The following SNX18 variants were observed in gnomAD, a reference collection of about 807,000 sequenced individuals.
The protein encoded by SNX18 is sorting nexin 18.
Under a neutral mutation model 48.7 loss-of-function variants are expected in SNX18, and 35 were observed. The ratio of observed to expected loss-of-function variants is 0.72; its 90% confidence interval spans 0.55 to 0.95. SNX18 has a LOEUF of 0.95. Among genes scored for constraint, SNX18 ranks in the 40% least tolerant of loss-of-function variants. The pLI, the probability that SNX18 is intolerant of heterozygous loss-of-function variation, is 0.00. For missense variants in SNX18, 824 were observed against 871.0 expected (o/e 0.95, Z 0.68); for synonymous variants, 492 against 384.7 (o/e 1.28, Z -3.26).
chr5:54,588,329 T>A, the SNX18 span, among the ~76,000 whole-genome samples: 1 of 44,588 alleles, frequency 2.2e-5, no homozygotes, highest in Non-Finnish European at 4.4e-5. Context: ...TTTTTTTTTT[T>A]TTTTTTTTTT....
chr5:54,537,729 T>G (rs1762383167), intron 1 of SNX18, among the ~76,000 whole-genome samples: 1 of 152,200 alleles, frequency 6.6e-6, no homozygotes, highest in Non-Finnish European at 1.5e-5. Context: ...AAAGCAGAGC[T>G]TTCAATGCTA....
intron 1 of SNX18, among the ~76,000 whole-genome samples, chr5:54,526,028 T>A (rs866506825): frequency 1.3e-5 from 2 of 152,106 alleles, no homozygotes; most frequent in East Asian, 1.9e-4. Context: ...GGTTCCCGGG[T>A]GTTCTGAAGC....
chr5:54,567,066 C>T, the SNX18 span, among the ~76,000 whole-genome samples: 1 of 152,104 alleles, frequency 6.6e-6, no homozygotes, highest in Non-Finnish European at 1.5e-5. Flanking sequence ...TGAGAATGTA[C>T]CCTTCCCCAC....
the SNX18 span, among the ~76,000 whole-genome samples, chr5:54,591,484 C>A: frequency 7.2e-5 from 11 of 152,350 alleles, no homozygotes; most frequent in African/African-American, 2.6e-4. Flanking sequence ...AGCCACCATG[C>A]TCAGCCTGTC....
At chr5:54,551,563 C>T (rs1055979606), downstream of SNX18, among the ~76,000 whole-genome samples, 2 of 152,178 alleles carry the variant, frequency 1.3e-5, no homozygotes, top group African/African-American at 2.4e-5. Flanking sequence ...ACTGCCGTTA[C>T]GTTCATTCTT....
chr5:54,555,094 C>T, the SNX18 span, among the ~76,000 whole-genome samples: 7 of 152,144 alleles, frequency 4.6e-5, no homozygotes, highest in South Asian at 2.1e-4. Context: ...CTGTTTCCTC[C>T]GCTGGTTCAG....
chr5:54,593,436 T>C, the SNX18 span, among the ~76,000 whole-genome samples: 1 of 152,186 alleles, frequency 6.6e-6, no homozygotes, highest in South Asian at 2.1e-4. Context: ...GATTGGAAGA[T>C]TGAAGATTGA....
At chr5:54,579,000 G>C in the SNX18 span, among the ~76,000 whole-genome samples, 1 of 152,164 alleles carries the variant, frequency 6.6e-6, no homozygotes, top group African/African-American at 2.4e-5. Context: ...ATTAGTCAAA[G>C]TTTGTTCATC....
At chr5:54,597,075 G>A in the SNX18 span, among the ~76,000 whole-genome samples, 1 of 152,102 alleles carries the variant, frequency 6.6e-6, no homozygotes, top group Non-Finnish European at 1.5e-5. Context: ...CCAAGCAAAT[G>A]GGAAACAGCA....
chr5:54,563,251 T>G, the SNX18 span, among the ~76,000 whole-genome samples: 1 of 152,208 alleles, frequency 6.6e-6, no homozygotes, highest in South Asian at 2.1e-4. Context: ...TGTACAGTAA[T>G]GTCCTAGGTC....
chr5:54,519,046 G>A lies in SNX18; in HGVS notation c.1094G>A (p.Ser365Asn). ...ATCTGGTGGATGAACCACATGGCCA[G>A]CCACCCAGTGCTGGCGCAGTGCGAC... The part of the protein sequence containing the change: ...GLIWWMNHMA[S>N]HPVLAQCDVF... The change falls in exon 1 of 2, where the codon AGC becomes AAC. Residue 365 changes from serine to asparagine, a missense_variant. Physicochemically the swap from Ser to Asn is conservative, Grantham distance 46 (BLOSUM62 1). Coordinates refer to ENST00000381410, the MANE Select transcript of SNX18 (RefSeq NM_001102575.2). 1 of 1,613,538 alleles carries A rather than the reference G, an allele frequency of 6.2e-7. No individual in the cohort carries two copies. Among genetic ancestry groups the A allele is most frequent in the Non-Finnish European group, 8.5e-7 (1 of 1,179,738 alleles).
At chr5:54,586,766 T>C in the SNX18 span, among the ~76,000 whole-genome samples, 1 of 152,074 alleles carries the variant, frequency 6.6e-6, no homozygotes, top group Non-Finnish European at 1.5e-5. Context: ...AGACCATACA[T>C]AGTAGGATCA....
the SNX18 span, among the ~76,000 whole-genome samples, chr5:54,574,507 G>A: frequency 4.1e-4 from 62 of 152,324 alleles, no homozygotes; most frequent in South Asian, 0.012. Context: ...GCTAGAAAAT[G>A]TAACCTTTAC....
chr5:54,552,841 GA>G, the SNX18 span, among the ~76,000 whole-genome samples: 37 of 151,872 alleles, frequency 2.4e-4, no homozygotes, highest in Admixed American at 2.1e-3. Context: ...GTGCTATGGG[GA>G]AAAAACTAAG....
Position 54,518,890 on chromosome 5 carries a change from A to G in SNX18, c.938A>G (p.Tyr313Cys). The change falls in exon 1 of 2, where the codon TAC (tyrosine) becomes TGC (cysteine). Residue 313 changes from tyrosine (Y) to cysteine (C), a missense_variant. This residue lies in a region of SNX18 where 443 missense variants were observed against 503.6 expected (regional missense o/e 0.88). Coordinates refer to ENST00000381410, the MANE Select transcript of SNX18 (RefSeq NM_001102575.2). Reference protein sequence around the residue: ...THTQVPVHRRYKHFDWLYARL... With the variant: ...THTQVPVHRRCKHFDWLYARL... ...ACGCAGGTGCCGGTGCATCGGCGCT[A>G]CAAGCACTTCGACTGGCTGTACGCG... The G allele has an allele frequency of 1.2e-6, 2 of 1,613,936 alleles. No individual in the cohort carries two copies. The highest frequency in any genetic ancestry group is 2.2e-5 in the East Asian group (1 of 44,848).
In SNX18 at chr5:54,543,663, C is replaced by T. The variant is rs1762514001; in HGVS notation, c.*231C>T. 2.1e-6 allele frequency: 1 copy of T among 485,900 alleles called. No individual in the cohort carries two copies. The highest frequency in any genetic ancestry group is 2.9e-5 in the South Asian group (1 of 34,718). The allele number at this position is 485,900 out of a possible 1,614,324, so 30.1% of individuals were successfully genotyped here. Reference sequence around the variant, plus strand: ...CTAAATTATACTATGTATGCCTACACTACCATTGTAACTTTTGGAATAATG... The same window carrying T: ...CTAAATTATACTATGTATGCCTACATTACCATTGTAACTTTTGGAATAATG... On this transcript the variant is annotated 3_prime_UTR_variant, in exon 2 of 2. Coordinates refer to ENST00000381410, the MANE Select transcript of SNX18 (RefSeq NM_001102575.2).
the SNX18 span, among the ~76,000 whole-genome samples, chr5:54,565,564 C>T: frequency 5.3e-5 from 8 of 151,730 alleles, no homozygotes; most frequent in Admixed American, 1.3e-4. Flanking sequence ...CAGAGTGAGA[C>T]CTTGTCTTAA....
the SNX18 span, among the ~76,000 whole-genome samples, chr5:54,552,596 T>G: frequency 6.6e-6 from 1 of 152,222 alleles, no homozygotes; most frequent in African/African-American, 2.4e-5. Context: ...TGGAGTCATT[T>G]TGCTTGAAAA....
At chr5:54,529,618 T>C (rs1762215825) in intron 1 of SNX18, among the ~76,000 whole-genome samples, 1 of 151,826 alleles carries the variant, frequency 6.6e-6, no homozygotes, top group African/African-American at 2.4e-5. Context: ...CCAAGCATTT[T>C]ATATATGTCC....
Sources: allele counts gnomAD v4.1 joint callset (sites outside exome capture counted in the v4.1 genomes callset), GRCh38; gene constraint gnomAD v4.1.1; regional missense constraint gnomAD v4.1.1; transcripts MANE v1.5; gene names NCBI Gene and HGNC (gene_info 2026-07-23, HGNC 2026-07-21).